PRPSAP1: variants seen among roughly 807,000 people sequenced by gnomAD.
PRPSAP1 encodes the protein phosphoribosyl pyrophosphate synthetase associated protein 1, also known as phosphoribosyl pyrophosphate synthase-associated protein 1.
PRPSAP1 carries 31 observed loss-of-function variants against 39.4 expected under a neutral mutation model. The ratio of observed to expected loss-of-function variants is 0.79; its 90% confidence interval spans 0.59 to 1.06. PRPSAP1 has a LOEUF of 1.06. PRPSAP1 is among the 50% of genes least tolerant of loss of function. The probability of loss-of-function intolerance (pLI) is 0.00; values close to 1 mark genes in which losing one functional copy is unlikely to be tolerated. For synonymous variants in PRPSAP1, 212 were observed against 192.6 expected (o/e 1.10, Z -0.83); for missense variants, 430 against 511.6 (o/e 0.84, Z 1.54).
intron 7 of PRPSAP1, 95 bp from the exon 8 acceptor site, chr17:76,313,986 C>A: frequency 6.1e-6 from 8 of 1,314,186 alleles, no homozygotes; most frequent in Non-Finnish European, 8.6e-6. Context: ...GTGGCAAAAC[C>A]ACTATACAGA....
intron 9 of PRPSAP1, among the ~76,000 whole-genome samples, chr17:76,312,551 T>C (rs1011156663): frequency 5.3e-5 from 8 of 152,150 alleles, no homozygotes; most frequent in African/African-American, 1.7e-4. Flanking sequence ...GGCAAAATCA[T>C]CTAGGGCAAA....
Position 76,344,277 on chromosome 17 carries a change from G to A in PRPSAP1, c.290+394C>T, listed in dbSNP as rs535313444. ...TAAGTAGCTGGGACTATAGGTGCCC[G>A]CCACCACGCCCGGCTAATTTTTTTG... On this transcript the variant is annotated intron_variant, in intron 3 of 9. Transcript: ENST00000446526. Among the ~76,000 whole-genome samples the A allele has an allele frequency of 2.6e-3, 390 of 152,220 alleles. 1 individual carries two copies. Among genetic ancestry groups the A allele is most frequent in the African/African-American group, 8.6e-3 (359 of 41,548 alleles).
chr17:76,322,542 T>G (rs192259059), intron 7 of PRPSAP1, among the ~76,000 whole-genome samples: 1 of 152,290 alleles, frequency 6.6e-6, no homozygotes, highest in Non-Finnish European at 1.5e-5. Flanking sequence ...AGTCTTATTA[T>G]TAAGAGTAAT....
intron 3 of PRPSAP1, among the ~76,000 whole-genome samples, chr17:76,337,971 A>G (rs2071396794): frequency 6.6e-6 from 1 of 152,114 alleles, no homozygotes; most frequent in Non-Finnish European, 1.5e-5. Flanking sequence ...ATAAACATAA[A>G]AATTAACCTT....
intron 3 of PRPSAP1, among the ~76,000 whole-genome samples, chr17:76,335,509 C>T (rs1218246682): frequency 6.6e-6 from 1 of 152,082 alleles, no homozygotes; most frequent in Non-Finnish European, 1.5e-5. Context: ...GCACCCACCA[C>T]CATGCCCAGC....
intron 7 of PRPSAP1, among the ~76,000 whole-genome samples, chr17:76,320,544 C>A (rs1027639518): frequency 1.1e-4 from 16 of 149,310 alleles, no homozygotes; most frequent in Non-Finnish European, 2.4e-4. Flanking sequence ...CCTGACTCAG[C>A]CTACCAAGTA....
chr17:76,324,645 G>A (rs1317335220), intron 7 of PRPSAP1, among the ~76,000 whole-genome samples: 2 of 151,730 alleles, frequency 1.3e-5, no homozygotes, highest in Non-Finnish European at 2.9e-5. Flanking sequence ...GCTACAGAAA[G>A]ATCTTTTGTG....
intron 7 of PRPSAP1, among the ~76,000 whole-genome samples, chr17:76,323,275 G>A (rs1355248638): frequency 6.7e-6 from 1 of 148,320 alleles, no homozygotes; most frequent in Admixed American, 6.8e-5. Flanking sequence ...CTGGAAAGCA[G>A]AGGTTGCACT....
chr17:76,348,082 G>A (rs1175584252), intron 2 of PRPSAP1, among the ~76,000 whole-genome samples: 2 of 152,126 alleles, frequency 1.3e-5, no homozygotes, highest in Non-Finnish European at 2.9e-5. Context: ...AGCACTTTGG[G>A]AAGCTGCGGT....
chr17:76,311,791 C>A, intron 9 of PRPSAP1, 91 bp from the exon 10 acceptor site: 1 of 1,415,706 alleles, frequency 7.1e-7, no homozygotes, highest in South Asian at 1.4e-5. Context: ...ATTGAGTTCC[C>A]ACAGCCTAAG....
Position 76,320,788 on chromosome 17 carries a change from T to C in PRPSAP1, c.782-6897A>G, listed in dbSNP as rs73354389. 3.2e-3 allele frequency among the ~76,000 whole-genome samples: 472 copies of C among 146,432 alleles called. 1 individual carries two copies. The highest frequency in any genetic ancestry group is 0.011 in the African/African-American group (439 of 39,936). ...GTCTATGGGAGCCATTTTTCTCTCT[T>C]TTTTTTTTTTAAAGACAGGGTCTTG... On this transcript the variant is annotated intron_variant, in intron 7 of 9. Transcript: ENST00000446526.
chr17:76,323,872 G>A (rs1336930942), intron 7 of PRPSAP1, among the ~76,000 whole-genome samples: 1 of 152,102 alleles, frequency 6.6e-6, no homozygotes, highest in Non-Finnish European at 1.5e-5. Context: ...TCGGCTGGGC[G>A]CAGTGGCTCA....
intron 7 of PRPSAP1, among the ~76,000 whole-genome samples, chr17:76,317,968 TA>T (rs60240957): frequency 0.12 from 18,412 of 152,176 alleles, 2,561 homozygotes; most frequent in African/African-American, 0.34. Flanking sequence ...TTCTCAGCCT[TA>T]GCACTACTGA....
chr17:76,315,927 G>T (rs1272405699), intron 7 of PRPSAP1, among the ~76,000 whole-genome samples: 1 of 151,322 alleles, frequency 6.6e-6, no homozygotes. Flanking sequence ...CGTTGGCCAG[G>T]CCACCTTTGA....
At chr17:76,327,964 G>C (rs1460342259) in intron 7 of PRPSAP1, among the ~76,000 whole-genome samples, 1 of 152,016 alleles carries the variant, frequency 6.6e-6, no homozygotes, top group Non-Finnish European at 1.5e-5. Context: ...CAGGAGGATT[G>C]TTTGAGCAAA....
At chr17:76,340,826 G>T (rs996799090) in intron 3 of PRPSAP1, among the ~76,000 whole-genome samples, 1 of 150,396 alleles carries the variant, frequency 6.6e-6, no homozygotes, top group Non-Finnish European at 1.5e-5. Flanking sequence ...GGAGGCGGGG[G>T]TTGTGGTGGG....
Position 76,311,526 on chromosome 17 carries a change from G to GAGACCCTC in PRPSAP1, c.*8_*15dup. On this transcript the variant is annotated 3_prime_UTR_variant, in exon 10 of 10. Coordinates refer to ENST00000446526, the MANE Select transcript of PRPSAP1 (RefSeq NM_002766.3). ...TGTTTCCCTCAGGAGGTCCAGGGTC[G>GAGACCCTC]AGACCCTCGTGAAAGCTAGTCATCC... 2 of 1,611,642 alleles carry GAGACCCTC rather than the reference G, an allele frequency of 1.2e-6. No homozygotes were observed. The highest frequency in any genetic ancestry group is 1.7e-6 in the Non-Finnish European group (2 of 1,178,762).
At chr17:76,316,110 A>G (rs765351184) in intron 7 of PRPSAP1, among the ~76,000 whole-genome samples, 28 of 149,988 alleles carry the variant, frequency 1.9e-4, no homozygotes, top group Non-Finnish European at 3.3e-4. Context: ...CAGGAGGCAA[A>G]GGTTGCAGTG....
chr17:76,354,034 A>G (rs1013115072), upstream of PRPSAP1: 31 of 1,119,368 alleles, frequency 2.8e-5, no homozygotes, highest in Non-Finnish European at 7.7e-6. Context: ...TCCGAGGGGC[A>G]TGTCACAGGT....
Sources: gnomAD v4.1 joint callset for allele counts (sites outside exome capture counted in the v4.1 genomes callset) on GRCh38, gnomAD v4.1.1 for gene constraint, MANE v1.5 for transcripts, NCBI Gene and HGNC (gene_info 2026-07-23, HGNC 2026-07-21) for gene names.